Variants in CMTR1 observed in about 807,000 individuals in gnomAD.
CMTR1 encodes the protein cap methyltransferase 1, also known as cap-specific mRNA (nucleoside-2'-O-)-methyltransferase 1.
A neutral mutation model predicts 107.0 loss-of-function variants in CMTR1; 39 were observed. That is an observed-to-expected ratio of 0.36 (90% CI 0.28 to 0.48). CMTR1 has a LOEUF of 0.48. Among genes scored for constraint, CMTR1 ranks in the 20% least tolerant of loss-of-function variants. The pLI, the probability that CMTR1 is intolerant of heterozygous loss-of-function variation, is 0.99. For missense variants in CMTR1, 672 were observed against 1,064.9 expected (o/e 0.63, Z 5.14); for synonymous variants, 366 against 379.5 (o/e 0.96, Z 0.41).
chr6:37,458,631 G>C lies in CMTR1; in HGVS notation c.797G>C (p.Arg266Pro). 1.9e-6 allele frequency: 3 copies of C among 1,613,488 alleles called. No homozygotes were observed. Among genetic ancestry groups the C allele is most frequent in the Non-Finnish European group, 2.5e-6 (3 of 1,180,004 alleles). The change falls in exon 9 of 24, where the codon CGG becomes CCG. Residue 266 changes from arginine (R) to proline (P), a missense_variant. By Grantham distance (103) the Arg-to-Pro change is moderately radical (BLOSUM62 -2). Coordinates refer to ENST00000373451, the MANE Select transcript of CMTR1 (RefSeq NM_015050.3). This position sits in a 1 kb window ranked among gnomAD's most constrained non-coding sequence, Gnocchi z 4.7. ...TTGCAGAAGCCACTGGTGAAGGACC[G>C]GGAAGCTGAGCTTCTGTACTTTGCT... ...DSYGKPLVKD[R>P]EAELLYFADV...
chr6:37,465,809 TTTAA>T (rs1167600313), intron 13 of CMTR1, among the ~76,000 whole-genome samples: 1 of 127,554 alleles, frequency 7.8e-6, no homozygotes, highest in African/African-American at 3.2e-5. Flanking sequence ...TTTGGCTGTT[TTTAA>T]TTGTTTTTTT....
At chr6:37,462,696 T>G (rs1199325644) in intron 12 of CMTR1, 133 bp from the exon 13 acceptor site, 13 of 759,314 alleles carry the variant, frequency 1.7e-5, no homozygotes, top group African/African-American at 3.4e-5. Context: ...AGGGTCTGTG[T>G]TGTTCTTTGT....
At chr6:37,426,234 C>CT in the CMTR1 span, among the ~76,000 whole-genome samples, 15 of 151,880 alleles carry the variant, frequency 9.9e-5, no homozygotes, top group African/African-American at 1.9e-4. Context: ...CATCTTAAGA[C>CT]TTTTTTTTAA....
At chr6:37,467,046 T>C (rs920192299) in intron 13 of CMTR1, among the ~76,000 whole-genome samples, 5 of 152,010 alleles carry the variant, frequency 3.3e-5, no homozygotes, top group Non-Finnish European at 5.9e-5. Context: ...GGCTTACACC[T>C]GTGGTAGCTA....
At position 37,472,368 on chromosome 6, in the gene CMTR1, C is replaced by T. The variant is rs764864183; in HGVS notation, c.1621-51C>T. 3.2e-6 allele frequency: 5 copies of T among 1,556,948 alleles called. No individual in the cohort carries two copies. The South Asian group carries it at 5.6e-5, about 17-fold the overall frequency. On this transcript the variant is annotated intron_variant, in intron 15 of 23. Coordinates refer to ENST00000373451, the MANE Select transcript of CMTR1 (RefSeq NM_015050.3). The surrounding 1 kb of genome is among the most constrained non-coding windows in gnomAD (Gnocchi z 4.1). ...CCACCTGCATATACTCATACACGGT[C>T]TTGGTCAAAAGGGCATTTGAAAGTC... is the stretch of plus-strand genomic sequence containing the variant.
upstream of CMTR1, among the ~76,000 whole-genome samples, chr6:37,429,901 G>A (rs1317615084): frequency 6.6e-6 from 1 of 151,542 alleles, no homozygotes; most frequent in Non-Finnish European, 1.5e-5. Context: ...TTGTGCCACT[G>A]CACTCCAGCC....
intron 8 of CMTR1, among the ~76,000 whole-genome samples, chr6:37,456,263 G>A (rs1469601467): frequency 6.6e-6 from 1 of 152,154 alleles, no homozygotes; most frequent in African/African-American, 2.4e-5. Context: ...GCTACATAAT[G>A]TTCTTGGCAA....
intron 13 of CMTR1, among the ~76,000 whole-genome samples, chr6:37,466,369 C>T (rs1468048567): frequency 2.0e-5 from 3 of 152,018 alleles, no homozygotes; most frequent in Admixed American, 6.6e-5. Flanking sequence ...CTCTTGACTT[C>T]GTGATCCTCC....
rs778436685 is a variant in CMTR1 at position 37,471,911 on chromosome 6, A to G, written c.1620+7A>G. ...GTGCCTCCGACTCTGGGGGGTGAGT[A>G]TCTCCCCCGCCCATTGCTGCTTCAG... On this transcript the variant is annotated splice_region_variant and intron_variant, in intron 15 of 23. Transcript: ENST00000373451. 1.2e-5 allele frequency: 19 copies of G among 1,611,456 alleles called. No individual in the cohort carries two copies. In the African/African-American group the frequency reaches 2.5e-4, roughly 22 times the overall value.
chr6:37,475,525 C>A, intron 19 of CMTR1, 113 bp downstream of exon 19: 2 of 854,378 alleles, frequency 2.3e-6, no homozygotes, highest in South Asian at 1.6e-5. Flanking sequence ...TTGTTGACAT[C>A]CTGAGAGTTT....
At chr6:37,456,307 A>G (rs934739507) in intron 8 of CMTR1, among the ~76,000 whole-genome samples, 4 of 152,370 alleles carry the variant, frequency 2.6e-5, no homozygotes, top group Middle Eastern at 3.4e-3. Flanking sequence ...GCAAATGAAT[A>G]TAATCCAAAA....
chr6:37,428,170 A>T, the CMTR1 span, among the ~76,000 whole-genome samples: 1 of 152,180 alleles, frequency 6.6e-6, no homozygotes, highest in Non-Finnish European at 1.5e-5. Context: ...AAGACCAAAA[A>T]TTTTTTAGGA....
At chr6:37,473,332 AG>A in intron 16 of CMTR1, 137 bp from the exon 17 acceptor site, 1 of 850,518 alleles carries the variant, frequency 1.2e-6, no homozygotes, top group Non-Finnish European at 1.8e-6. Flanking sequence ...TAGGTAGAGA[AG>A]GGGGTGCAGG....
rs1267994507 is a variant in CMTR1 at position 37,462,760 on chromosome 6, G to C, written c.1326-69G>C. On this transcript the variant is annotated intron_variant, in intron 12 of 23. Coordinates refer to ENST00000373451, the MANE Select transcript of CMTR1 (RefSeq NM_015050.3). The stretch of plus-strand genomic sequence containing the variant: ...CATTAAGCTTTGTGATTCCACAAGG[G>C]GTTGGGGGAAAAGGAATGTATGGGG... The C allele has an allele frequency of 2.1e-5, 30 of 1,461,172 alleles. No individual in the cohort carries two copies. The South Asian group carries it at 3.3e-4, about 16-fold the overall frequency. The allele number at this position is 1,461,172 out of a possible 1,614,324, so 90.5% of individuals were successfully genotyped here. A position where few individuals can be genotyped will look rare whatever the true frequency, so the allele number is the denominator to read the frequency against.
Position 37,458,625 on chromosome 6 carries a change from A to G in CMTR1, c.791A>G (p.Lys264Arg). 6.2e-7 allele frequency: 1 copy of G among 1,613,402 alleles called. No individual in the cohort carries two copies. Among genetic ancestry groups the G allele is most frequent in the East Asian group, 2.2e-5 (1 of 44,888 alleles). Residue 264 changes from lysine (K) to arginine (R), a missense_variant, in exon 9 of 24, where the codon AAG (lysine) becomes AGG (arginine). Around this residue, in one of 2 missense-constraint regions of CMTR1, gnomAD observed 583 missense variants for 968.4 expected, o/e 0.60. Coordinates refer to ENST00000373451, the MANE Select transcript of CMTR1 (RefSeq NM_015050.3). The surrounding 1 kb of genome is among the most constrained non-coding windows in gnomAD (Gnocchi z 4.7). ...TTGCCTTTGCAGAAGCCACTGGTGA[A>G]GGACCGGGAAGCTGAGCTTCTGTAC... ...PRDSYGKPLV[K>R]DREAELLYFA...
intron 11 of CMTR1, 58 bp from the exon 12 acceptor site, chr6:37,461,912 T>C: frequency 1.3e-6 from 2 of 1,581,818 alleles, no homozygotes; most frequent in Non-Finnish European, 1.7e-6. Context: ...CAAGACTACT[T>C]CACCCATCTC....
chr6:37,428,089 T>C, the CMTR1 span, among the ~76,000 whole-genome samples: 1 of 150,266 alleles, frequency 6.7e-6, no homozygotes, highest in South Asian at 2.1e-4. Context: ...GCTGTGTTTA[T>C]TCAGGAATAA....
At position 37,455,120 on chromosome 6, in the gene CMTR1, T is replaced by C. The variant is rs1012069835; in HGVS notation, c.777+1808T>C. On this transcript the variant is annotated intron_variant, in intron 8 of 23. Transcript: ENST00000373451. Reference sequence around the variant, plus strand: ...TTTTTTCGAGACGGAGTTTCGCTGTTGTTGCCCAGGCTGGAGTGCGATGGC... The same window carrying C: ...TTTTTTCGAGACGGAGTTTCGCTGTCGTTGCCCAGGCTGGAGTGCGATGGC... 3.3e-5 allele frequency among the ~76,000 whole-genome samples: 5 copies of C among 152,140 alleles called. No homozygotes were observed. The South Asian group carries it at 1.0e-3, about 32-fold the overall frequency.
intron 13 of CMTR1, among the ~76,000 whole-genome samples, chr6:37,464,931 C>G (rs2454133): frequency 6.6e-6 from 1 of 151,156 alleles, no homozygotes; most frequent in African/African-American, 2.5e-5. Flanking sequence ...TGTGTGTGTA[C>G]AGACAAACAA....
Sources: allele counts gnomAD v4.1 joint callset (sites outside exome capture counted in the v4.1 genomes callset), GRCh38; gene constraint gnomAD v4.1.1; regional missense constraint gnomAD v4.1.1; non-coding constraint Gnocchi (gnomAD v3.1); transcripts MANE v1.5; gene names NCBI Gene and HGNC (gene_info 2026-07-23, HGNC 2026-07-21).